The following USH2A variants were observed in gnomAD, a reference collection of about 807,000 sequenced individuals.
USH2A encodes the protein usherin.
USH2A carries 443 observed loss-of-function variants against 538.9 expected under a neutral mutation model. That is an observed-to-expected ratio of 0.82 (90% CI 0.76 to 0.89). The LOEUF (loss-of-function observed/expected upper bound fraction) is 0.89. Ranked by LOEUF, USH2A falls within the 40% of genes least tolerant of loss-of-function variation. The probability of loss-of-function intolerance (pLI) is 0.00; values close to 1 mark genes in which losing one functional copy is unlikely to be tolerated. For missense variants in USH2A, 6,633 were observed against 6,324.8 expected, an observed-to-expected ratio of 1.05 and a Z score of -1.65; for synonymous variants, 2,413 against 2,273.5, an observed-to-expected ratio of 1.06 and a Z score of -1.75.
intron 61 of USH2A, among the ~76,000 whole-genome samples, chr1:215,723,094 G>A (rs1161348788): frequency 6.6e-6 from 1 of 152,094 alleles, no homozygotes; most frequent in African/African-American, 2.4e-5. Flanking sequence ...GGAGTTTAAG[G>A]CCTTCTAATT....
chr1:216,117,467 G>A (rs978468573), intron 21 of USH2A, among the ~76,000 whole-genome samples: 4 of 151,942 alleles, frequency 2.6e-5, no homozygotes, highest in African/African-American at 9.7e-5. Context: ...ACTGATGTGG[G>A]AATTAATAAG....
intron 44 of USH2A, among the ~76,000 whole-genome samples, chr1:215,866,393 TGTTCCC>T (rs1210691779): frequency 4.6e-5 from 7 of 152,120 alleles, no homozygotes; most frequent in Admixed American, 4.6e-4. Context: ...GTTAAAAAAG[TGTTCCC>T]AGCAGGTCCA....
chr1:216,238,459 G>A (rs189581922), intron 13 of USH2A, among the ~76,000 whole-genome samples: 40 of 152,228 alleles, frequency 2.6e-4, no homozygotes, highest in Admixed American at 1.5e-3. Context: ...ATTTATTAGT[G>A]TGGATATGTG....
intron 14 of USH2A, among the ~76,000 whole-genome samples, chr1:216,231,578 T>C (rs973020343): frequency 2.0e-5 from 3 of 151,838 alleles, no homozygotes; most frequent in African/African-American, 7.3e-5. Flanking sequence ...AGACAGAGTC[T>C]TGCCCTGTCT....
At chr1:216,093,719 G>A (rs2032362779) in intron 22 of USH2A, among the ~76,000 whole-genome samples, 1 of 152,136 alleles carries the variant, frequency 6.6e-6, no homozygotes, top group African/African-American at 2.4e-5. Context: ...TTTGGTAGGG[G>A]GGTGGCTATA....
At chr1:215,785,314 G>A (rs17025421) in intron 52 of USH2A, among the ~76,000 whole-genome samples, 10,689 of 152,218 alleles carry the variant, frequency 0.07, 737 homozygotes, top group East Asian at 0.35. Flanking sequence ...GGACATTTCA[G>A]GTGGAATAAC....
At chr1:215,625,915 T>C (rs780385834) in intron 71 of USH2A, 45 bp from the exon 72 acceptor site, 2 of 1,538,062 alleles carry the variant, frequency 1.3e-6, no homozygotes, top group Non-Finnish European at 1.8e-6. Flanking sequence ...TTGCTATCAA[T>C]AGTATTTGCT....
chr1:216,022,708 T>C (rs1668869816), intron 32 of USH2A, among the ~76,000 whole-genome samples: 1 of 152,110 alleles, frequency 6.6e-6, no homozygotes, highest in African/African-American at 2.4e-5. Flanking sequence ...AGAACAGTGA[T>C]ACAGATATAA....
intron 32 of USH2A, among the ~76,000 whole-genome samples, chr1:216,041,893 G>A (rs2030293140): frequency 6.6e-6 from 1 of 151,512 alleles, no homozygotes; most frequent in African/African-American, 2.4e-5. Flanking sequence ...AAAATTCACT[G>A]CTGACAACTT....
chr1:216,275,729 ACATTAAGT>A (rs1308246237), intron 11 of USH2A, among the ~76,000 whole-genome samples: 1 of 152,162 alleles, frequency 6.6e-6, no homozygotes, highest in Non-Finnish European at 1.5e-5. Flanking sequence ...TAAGGGAGGT[ACATTAAGT>A]CTCTAATATC....
chr1:215,955,478 T>G (rs1667041245), intron 37 of USH2A, among the ~76,000 whole-genome samples: 1 of 152,192 alleles, frequency 6.6e-6, no homozygotes, highest in Non-Finnish European at 1.5e-5. Flanking sequence ...GATACATGCT[T>G]TCTACATGAA....
chr1:215,821,937 C>T (rs567310499), intron 47 of USH2A, among the ~76,000 whole-genome samples: 9 of 151,814 alleles, frequency 5.9e-5, no homozygotes, highest in Admixed American at 1.3e-4. Flanking sequence ...TCTGTAAATG[C>T]ATGGATTTAT....
At chr1:215,876,999 G>A (rs1664789671) in intron 43 of USH2A, among the ~76,000 whole-genome samples, 1 of 152,108 alleles carries the variant, frequency 6.6e-6, no homozygotes, top group Admixed American at 6.5e-5. Context: ...ATATGATCGA[G>A]GAGTTTTCAT....
intron 3 of USH2A, among the ~76,000 whole-genome samples, chr1:216,411,022 C>T (rs933583204): frequency 6.6e-6 from 1 of 151,970 alleles, no homozygotes; most frequent in Non-Finnish European, 1.5e-5. Flanking sequence ...ATACGTTTTC[C>T]TTCCTTATCC....
In USH2A at chr1:216,219,652, G is replaced by A. The variant is rs1327902270; in HGVS notation, c.2994-2102C>T. Among the ~76,000 whole-genome samples, 3 of 152,160 alleles carry A rather than the reference G, an allele frequency of 2.0e-5. No individual in the cohort carries two copies. The East Asian group carries it at 5.8e-4, about 29-fold the overall frequency. The stretch of plus-strand genomic sequence containing the variant: ...TGAATTGCAATATTGATTTTGCCAG[G>A]ATAAATGGTTTTTGTAATATTAATA... On this transcript the variant is annotated intron_variant, in intron 14 of 71. Transcript: ENST00000307340.
chr1:216,238,420 G>C (rs1374035942), intron 13 of USH2A, among the ~76,000 whole-genome samples: 1 of 152,098 alleles, frequency 6.6e-6, no homozygotes, highest in South Asian at 2.1e-4. Flanking sequence ...CACTGAAAAA[G>C]GGAACTGGGA....
chr1:216,011,140 A>G (rs1237691059), intron 32 of USH2A, among the ~76,000 whole-genome samples: 3 of 152,120 alleles, frequency 2.0e-5, no homozygotes, highest in South Asian at 2.1e-4. Flanking sequence ...TTCAGGATCT[A>G]TGCCTTATCA....
At chr1:215,639,908 T>C (rs1367908519) in intron 68 of USH2A, among the ~76,000 whole-genome samples, 1 of 152,216 alleles carries the variant, frequency 6.6e-6, no homozygotes, top group Non-Finnish European at 1.5e-5. Context: ...CAAAATAAAA[T>C]ACTCATTAAT....
At chr1:215,804,789 T>C (rs1662445926) in intron 49 of USH2A, among the ~76,000 whole-genome samples, 1 of 152,158 alleles carries the variant, frequency 6.6e-6, no homozygotes. Flanking sequence ...ACTGGGTACA[T>C]ACTCAAAGGA....
Sources: allele counts gnomAD v4.1 joint callset (sites outside exome capture counted in the v4.1 genomes callset), GRCh38; gene constraint gnomAD v4.1.1; transcripts MANE v1.5; gene names NCBI Gene and HGNC (gene_info 2026-07-23, HGNC 2026-07-21).